The following MDGA2 variants were observed in gnomAD, a reference collection of about 807,000 sequenced individuals.
The protein encoded by MDGA2 is MAM domain containing glycosylphosphatidylinositol anchor 2.
Under a neutral mutation model 117.8 loss-of-function variants are expected in MDGA2, and 40 were observed. That is an observed-to-expected ratio of 0.34 (90% CI 0.26 to 0.44). The LOEUF (loss-of-function observed/expected upper bound fraction) is 0.44. MDGA2 is among the 20% of genes least tolerant of loss of function. The pLI is 1.00. For missense variants in MDGA2, 1,123 were observed against 1,250.6 expected (o/e 0.90, Z 1.54); for synonymous variants, 452 against 439.0 (o/e 1.03, Z -0.37).
intron 9 of MDGA2, among the ~76,000 whole-genome samples, chr14:46,921,616 CAAA>C (rs77086877): frequency 1.4e-5 from 1 of 71,976 alleles, no homozygotes. Context: ...CAGGCCCTGT[CAAA>C]AAAAAAAAAA....
rs142443598 is a variant in MDGA2 at position 47,478,821 on chromosome 14, C to T, written c.281-177271G>A. ...TGTTTGACCAATGGATGACAGATCA[C>T]GCTAAATAGATGAGTGAAAGACATG... On this transcript the variant is annotated intron_variant, in intron 1 of 16. Coordinates refer to ENST00000399232, the MANE Select transcript of MDGA2 (RefSeq NM_001113498.3). Among the ~76,000 whole-genome samples the T allele has an allele frequency of 1.7e-3, 257 of 152,256 alleles. 1 individual carries two copies. The highest frequency in any genetic ancestry group is 5.8e-3 in the African/African-American group (242 of 41,550).
chr14:47,614,095 CTTTT>C (rs768294746), intron 1 of MDGA2, among the ~76,000 whole-genome samples: 4 of 101,702 alleles, frequency 3.9e-5, no homozygotes, highest in East Asian at 2.8e-4. Context: ...TTTCTTTTTT[CTTTT>C]TTTTTTTTTT....
intron 2 of MDGA2, among the ~76,000 whole-genome samples, chr14:47,241,433 T>C (rs966034945): frequency 5.9e-5 from 9 of 152,018 alleles, no homozygotes; most frequent in Admixed American, 4.6e-4. Context: ...AAAATGTCAA[T>C]TCCTTCACAG....
intron 8 of MDGA2, among the ~76,000 whole-genome samples, chr14:46,973,387 T>G (rs1052051263): frequency 6.6e-6 from 1 of 152,152 alleles, no homozygotes; most frequent in African/African-American, 2.4e-5. Context: ...GTGCATCAAC[T>G]TACATTTTAA....
chr14:47,629,143 GA>G (rs989830948), intron 1 of MDGA2, among the ~76,000 whole-genome samples: 1 of 151,648 alleles, frequency 6.6e-6, no homozygotes, highest in Admixed American at 6.6e-5. Flanking sequence ...TTGGTGACAA[GA>G]AAAAAAACAT....
intron 1 of MDGA2, among the ~76,000 whole-genome samples, chr14:47,576,470 A>G (rs1896117145): frequency 6.6e-6 from 1 of 152,136 alleles, no homozygotes; most frequent in Admixed American, 6.6e-5. Context: ...CAAATGTCAA[A>G]TCAATCATTA....
chr14:47,508,604 G>A (rs547685289), intron 1 of MDGA2, among the ~76,000 whole-genome samples: 1 of 152,016 alleles, frequency 6.6e-6, no homozygotes, highest in East Asian at 1.9e-4. Flanking sequence ...ATCCTGACTA[G>A]AACAATATAG....
chr14:47,340,522 G>T (rs1379267646), intron 1 of MDGA2, among the ~76,000 whole-genome samples: 1 of 152,140 alleles, frequency 6.6e-6, no homozygotes, highest in African/African-American at 2.4e-5. Flanking sequence ...CAATCACAGA[G>T]ATATAATTTC....
intron 1 of MDGA2, among the ~76,000 whole-genome samples, chr14:47,586,152 G>C (rs987260751): frequency 1.2e-4 from 18 of 151,854 alleles, no homozygotes; most frequent in Admixed American, 1.2e-3. Context: ...AATTAAGCTT[G>C]TTTCAATGAT....
At chr14:47,673,667 T>TGTGC (rs1281810742) in intron 1 of MDGA2, among the ~76,000 whole-genome samples, 2 of 143,532 alleles carry the variant, frequency 1.4e-5, no homozygotes, top group African/African-American at 5.2e-5. Context: ...TGTGTGTGTG[T>TGTGC]GTGCTTCCAT....
chr14:47,025,897 G>A (rs1276534722), intron 8 of MDGA2, among the ~76,000 whole-genome samples: 2 of 152,046 alleles, frequency 1.3e-5, no homozygotes, highest in East Asian at 1.9e-4. Flanking sequence ...AGGAGTGGAA[G>A]GGCATGTTGG....
At chr14:47,385,939 T>C (rs1263977289) in intron 1 of MDGA2, among the ~76,000 whole-genome samples, 1 of 152,178 alleles carries the variant, frequency 6.6e-6, no homozygotes, top group Non-Finnish European at 1.5e-5. Context: ...TATAATGAAT[T>C]AAGGAAACCT....
At chr14:47,467,566 G>A (rs1893630196) in intron 1 of MDGA2, among the ~76,000 whole-genome samples, 1 of 152,068 alleles carries the variant, frequency 6.6e-6, no homozygotes, top group Admixed American at 6.6e-5. Context: ...AGTAGATAAA[G>A]AGACAGCAGA....
chr14:47,553,505 T>C (rs1349764388), intron 1 of MDGA2, among the ~76,000 whole-genome samples: 4 of 151,456 alleles, frequency 2.6e-5, no homozygotes, highest in East Asian at 3.8e-4. Flanking sequence ...AAATAGCTAA[T>C]TTTTTCAAAT....
intron 10 of MDGA2, among the ~76,000 whole-genome samples, chr14:46,902,273 G>T (rs186936162): frequency 2.0e-5 from 3 of 151,940 alleles, no homozygotes. Flanking sequence ...CAATGTTAAC[G>T]TAAGTGGTAA....
intron 1 of MDGA2, among the ~76,000 whole-genome samples, chr14:47,641,227 A>G (rs1897417463): frequency 6.6e-6 from 1 of 152,078 alleles, no homozygotes; most frequent in Admixed American, 6.6e-5. Flanking sequence ...AGGGATACAG[A>G]TCATTAGCTT....
intron 1 of MDGA2, among the ~76,000 whole-genome samples, chr14:47,476,628 G>A (rs993086452): frequency 1.3e-5 from 2 of 152,010 alleles, no homozygotes; most frequent in Middle Eastern, 3.2e-3. Flanking sequence ...GAGGGACACA[G>A]AGTTTATCAT....
chr14:47,005,144 G>A (rs1887667534), intron 8 of MDGA2, among the ~76,000 whole-genome samples: 1 of 151,600 alleles, frequency 6.6e-6, no homozygotes, highest in Non-Finnish European at 1.5e-5. Context: ...TTAATGAATA[G>A]AAATAATAAG....
intron 1 of MDGA2, among the ~76,000 whole-genome samples, chr14:47,488,224 A>C (rs920132748): frequency 6.6e-6 from 1 of 152,164 alleles, no homozygotes; most frequent in African/African-American, 2.4e-5. Flanking sequence ...TGATGTACTT[A>C]GGCTAGAGAA....
Sources: allele counts gnomAD v4.1 joint callset (sites outside exome capture counted in the v4.1 genomes callset), GRCh38; gene constraint gnomAD v4.1.1; transcripts MANE v1.5; gene names NCBI Gene and HGNC (gene_info 2026-07-23, HGNC 2026-07-21).